Variants in PBX3 observed in about 807,000 individuals in gnomAD.
PBX3 encodes the protein PBX homeobox 3.
A neutral mutation model predicts 48.5 loss-of-function variants in PBX3; 14 were observed. The ratio of observed to expected loss-of-function variants is 0.29; its 90% confidence interval spans 0.19 to 0.45. The LOEUF (loss-of-function observed/expected upper bound fraction) is 0.45. Ranked by LOEUF, PBX3 falls within the 20% of genes least tolerant of loss-of-function variation. The pLI is 1.00. For synonymous variants in PBX3, 210 were observed against 200.3 expected (o/e 1.05, Z -0.41); for missense variants, 386 against 546.7 (o/e 0.71, Z 2.93).
intron 2 of PBX3, among the ~76,000 whole-genome samples, chr9:125,750,874 A>ACTAC (rs1366474477): frequency 3.3e-5 from 5 of 152,092 alleles, no homozygotes; most frequent in Non-Finnish European, 7.4e-5. Context: ...ATTCTCCCCT[A>ACTAC]CTACCCATAG....
intron 2 of PBX3, among the ~76,000 whole-genome samples, chr9:125,765,643 T>G (rs977601518): frequency 6.6e-6 from 1 of 152,206 alleles, no homozygotes; most frequent in Non-Finnish European, 1.5e-5. Context: ...TTGCAAGTCT[T>G]TTACAGACAC....
chr9:125,823,555 T>G (rs901472190), intron 2 of PBX3, among the ~76,000 whole-genome samples: 2 of 150,690 alleles, frequency 1.3e-5, no homozygotes, highest in African/African-American at 4.9e-5. Flanking sequence ...GTAATAGTGT[T>G]AAATAAAGTT....
At chr9:125,910,278 C>T (rs1239174739) in intron 2 of PBX3, among the ~76,000 whole-genome samples, 1 of 152,042 alleles carries the variant, frequency 6.6e-6, no homozygotes, top group East Asian at 1.9e-4. Context: ...ATGTCAGCCA[C>T]CCTCTCCACG....
At chr9:125,955,461 A>C (rs73668741) in intron 5 of PBX3, among the ~76,000 whole-genome samples, 4,249 of 152,244 alleles carry the variant, frequency 0.028, 235 homozygotes, top group African/African-American at 0.096. Context: ...CACTATAAAA[A>C]GGGGGTTTAG....
At chr9:125,873,615 G>GTCTCA (rs148742655) in intron 2 of PBX3, among the ~76,000 whole-genome samples, 10,612 of 152,128 alleles carry the variant, frequency 0.07, 1,150 homozygotes, top group African/African-American at 0.24. Flanking sequence ...AGAAATTGTG[G>GTCTCA]AGAAATTGTC....
intron 2 of PBX3, among the ~76,000 whole-genome samples, chr9:125,897,534 A>G (rs891972245): frequency 6.6e-6 from 1 of 151,872 alleles, no homozygotes; most frequent in African/African-American, 2.4e-5. Flanking sequence ...TCTTTAAAAT[A>G]TTTGCATCAT....
chr9:125,799,514 C>T (rs1837878589), intron 2 of PBX3, among the ~76,000 whole-genome samples: 1 of 152,186 alleles, frequency 6.6e-6, no homozygotes, highest in South Asian at 2.1e-4. Flanking sequence ...TCAAAACAAA[C>T]AGACAAAACA....
intron 2 of PBX3, among the ~76,000 whole-genome samples, chr9:125,894,706 C>T (rs1200389803): frequency 6.6e-6 from 1 of 152,108 alleles, no homozygotes; most frequent in East Asian, 1.9e-4. Context: ...ACAGATATAG[C>T]TTGTGGCAAA....
At chr9:125,913,045 T>G (rs901179642) in intron 2 of PBX3, among the ~76,000 whole-genome samples, 2 of 152,136 alleles carry the variant, frequency 1.3e-5, no homozygotes, top group Non-Finnish European at 2.9e-5. Flanking sequence ...AAACCAGGTA[T>G]TAGTATTTAA....
intron 2 of PBX3, among the ~76,000 whole-genome samples, chr9:125,781,985 A>G (rs1258100281): frequency 6.6e-6 from 1 of 150,822 alleles, no homozygotes; most frequent in African/African-American, 2.4e-5. Flanking sequence ...ATCCCCTTCT[A>G]ATTTCCTTTT....
At chr9:125,827,083 T>C (rs957713095) in intron 2 of PBX3, among the ~76,000 whole-genome samples, 1 of 152,182 alleles carries the variant, frequency 6.6e-6, no homozygotes, top group African/African-American at 2.4e-5. Context: ...TCTCTACCTC[T>C]GTGTGATCAA....
chr9:125,823,865 C>T (rs942263747), intron 2 of PBX3, among the ~76,000 whole-genome samples: 8 of 152,020 alleles, frequency 5.3e-5, no homozygotes, highest in African/African-American at 1.7e-4. Flanking sequence ...GACTTGAGGT[C>T]AGGAGTTCGA....
chr9:125,747,589 A>G lies in PBX3; in HGVS notation c.136A>G (p.Ile46Val), dbSNP rs766299287. 2 of 1,607,210 alleles carry G rather than the reference A, an allele frequency of 1.2e-6. No homozygotes were observed. Among genetic ancestry groups the G allele is most frequent in the Non-Finnish European group, 1.7e-6 (2 of 1,176,876 alleles). ...GGACGGCGACGGCAGGAAGCAGGAC[A>G]TCGGCGACATCCTCCACCAGATCAT... ...GADGDGRKQD[I>V]GDILHQIMTI... The change falls in exon 1 of 9, where the codon ATC becomes GTC. Residue 46 changes from isoleucine to valine, a missense_variant. Ile to Val is a conservative substitution (Grantham distance 29, BLOSUM62 3). Coordinates refer to ENST00000373489, the MANE Select transcript of PBX3 (RefSeq NM_006195.6).
intron 2 of PBX3, among the ~76,000 whole-genome samples, chr9:125,805,493 G>GC (rs1838100143): frequency 6.6e-6 from 1 of 152,094 alleles, no homozygotes; most frequent in African/African-American, 2.4e-5. Flanking sequence ...ATTTTAGGAG[G>GC]CCAAAAAATG....
intron 2 of PBX3, among the ~76,000 whole-genome samples, chr9:125,859,577 C>T (rs566296296): frequency 9.9e-5 from 15 of 152,134 alleles, no homozygotes; most frequent in African/African-American, 2.2e-4. Flanking sequence ...AGAGAAGTGA[C>T]GTGACACAGC....
rs190059273 is a variant in PBX3, at chr9:125,871,060, G to A, written c.275-44626G>A. 9.1e-4 allele frequency among the ~76,000 whole-genome samples: 139 copies of A among 152,192 alleles called. 5 individuals carry two copies. Among genetic ancestry groups the A allele is most frequent in the Admixed American group, 8.8e-3 (134 of 15,278 alleles). ...AAAAACTCACATGTATACCAGAGAC[G>A]TGTAAAAAGTTGTTTAAATCATTAT... On this transcript the variant is annotated intron_variant, in intron 2 of 8. Transcript: ENST00000373489.
intron 2 of PBX3, among the ~76,000 whole-genome samples, chr9:125,806,421 C>T (rs551427133): frequency 1.7e-4 from 26 of 152,256 alleles, no homozygotes; most frequent in African/African-American, 5.5e-4. Flanking sequence ...GGGAGGTTCA[C>T]GATCAAGATG....
At chr9:125,929,613 GTAGA>G (rs758120508) in intron 3 of PBX3, 38 bp from the exon 4 acceptor site, 32 of 1,388,312 alleles carry the variant, frequency 2.3e-5, no homozygotes, top group South Asian at 7.5e-5. Context: ...TCGTGTGATA[GTAGA>G]TAGTTTCCAA....
At chr9:125,768,078 C>T (rs1487678185) in intron 2 of PBX3, among the ~76,000 whole-genome samples, 1 of 109,638 alleles carries the variant, frequency 9.1e-6, no homozygotes, top group African/African-American at 3.6e-5. Context: ...AAGAATGATA[C>T]AAAAAAAAAA....
Sources: gnomAD v4.1 joint callset for allele counts (sites outside exome capture counted in the v4.1 genomes callset) on GRCh38, gnomAD v4.1.1 for gene constraint, MANE v1.5 for transcripts, NCBI Gene and HGNC (gene_info 2026-07-23, HGNC 2026-07-21) for gene names.